Variants in GRM7 observed in about 807,000 individuals in gnomAD.
GRM7 encodes the protein metabotropic glutamate receptor 7.
A neutral mutation model predicts 84.5 loss-of-function variants in GRM7; 35 were observed. The observed-to-expected ratio is 0.41, with a 90% confidence interval of 0.32 to 0.55. The LOEUF is 0.55. Among genes scored for constraint, GRM7 ranks in the 20% least tolerant of loss-of-function variants. The pLI is 0.19. For missense variants in GRM7, 1,003 were observed against 1,194.6 expected (o/e 0.84, Z 2.36); for synonymous variants, 487 against 455.1 (o/e 1.07, Z -0.89).
chr3:7,740,225 T>C, intron 9 of GRM7, 132 bp from the exon 10 acceptor site: 2 of 592,568 alleles, frequency 3.4e-6, no homozygotes, highest in Admixed American at 3.8e-5. Flanking sequence ...AATCCAAAGT[T>C]GTCTGTGTGT....
chr3:7,629,965 A>T (rs1344053835), intron 8 of GRM7, among the ~76,000 whole-genome samples: 2 of 152,154 alleles, frequency 1.3e-5, no homozygotes, highest in Non-Finnish European at 2.9e-5. Flanking sequence ...TGTAACACAT[A>T]CCTCTTTGGC....
chr3:7,578,356 C>A (rs1695063334), intron 7 of GRM7, 66 bp from the exon 8 acceptor site: 1 of 1,043,616 alleles, frequency 9.6e-7, no homozygotes, highest in Non-Finnish European at 1.4e-6. Flanking sequence ...CTGTTTGCTG[C>A]TGGTGTTCTT....
chr3:7,204,482 C>T (rs1309761972), intron 2 of GRM7, among the ~76,000 whole-genome samples: 1 of 152,170 alleles, frequency 6.6e-6, no homozygotes, highest in Non-Finnish European at 1.5e-5. Flanking sequence ...CCTTGCATTC[C>T]TGAGTCCATT....
At chr3:6,994,779 T>G (rs1373639163) in intron 1 of GRM7, among the ~76,000 whole-genome samples, 1 of 152,226 alleles carries the variant, frequency 6.6e-6, no homozygotes, top group East Asian at 1.9e-4. Flanking sequence ...GACCATATAG[T>G]AGGTGCTTTA....
At chr3:7,722,295 A>C (rs1328592633) in intron 9 of GRM7, among the ~76,000 whole-genome samples, 2 of 152,230 alleles carry the variant, frequency 1.3e-5, no homozygotes, top group Admixed American at 6.5e-5. Flanking sequence ...TAGTTCGTTA[A>C]ATACAGTAAC....
intron 7 of GRM7, among the ~76,000 whole-genome samples, chr3:7,552,139 C>A (rs1009087374): frequency 2.6e-5 from 4 of 152,216 alleles, no homozygotes; most frequent in Non-Finnish European, 5.9e-5. Context: ...CTACAGGCCC[C>A]ATGTAAGTCT....
intron 4 of GRM7, among the ~76,000 whole-genome samples, chr3:7,359,351 T>C (rs1693561992): frequency 7.2e-6 from 1 of 139,642 alleles, no homozygotes; most frequent in East Asian, 2.0e-4. Context: ...TTTTTTTTTT[T>C]TTGAGACAGT....
chr3:7,417,615 T>G (rs1043269194), intron 5 of GRM7, among the ~76,000 whole-genome samples: 1 of 152,124 alleles, frequency 6.6e-6, no homozygotes, highest in Non-Finnish European at 1.5e-5. Context: ...ACTGAAGATC[T>G]GCGCTGTGAA....
intron 1 of GRM7, among the ~76,000 whole-genome samples, chr3:6,883,444 A>G (rs1574965915): frequency 6.6e-6 from 1 of 152,154 alleles, no homozygotes; most frequent in South Asian, 2.1e-4. Flanking sequence ...TTTATAATCA[A>G]TTTATTTCCT....
intron 1 of GRM7, among the ~76,000 whole-genome samples, chr3:6,963,801 TAC>T (rs762700542): frequency 3.9e-5 from 6 of 152,236 alleles, no homozygotes; most frequent in Non-Finnish European, 7.3e-5. Context: ...CAGAGATTTA[TAC>T]ACAAATATTA....
chr3:7,423,242 A>T (rs1696469986), intron 5 of GRM7, among the ~76,000 whole-genome samples: 1 of 152,198 alleles, frequency 6.6e-6, no homozygotes. Context: ...TGAAACACCA[A>T]CTTGAAATCC....
intron 4 of GRM7, among the ~76,000 whole-genome samples, chr3:7,372,679 G>T (rs1694188989): frequency 6.6e-6 from 1 of 152,048 alleles, no homozygotes; most frequent in Non-Finnish European, 1.5e-5. Flanking sequence ...CACCAAACAG[G>T]TATCAGATCG....
intron 4 of GRM7, among the ~76,000 whole-genome samples, chr3:7,346,916 T>C (rs1306644647): frequency 6.6e-6 from 1 of 152,106 alleles, no homozygotes; most frequent in Non-Finnish European, 1.5e-5. Flanking sequence ...TAATACCTAC[T>C]TTGGGACTTC....
intron 7 of GRM7, among the ~76,000 whole-genome samples, chr3:7,521,550 A>G (rs76686710): frequency 0.079 from 11,982 of 152,210 alleles, 605 homozygotes; most frequent in South Asian, 0.1. Flanking sequence ...TCTGCCAGCA[A>G]CTTGATTTTG....
intron 2 of GRM7, among the ~76,000 whole-genome samples, chr3:7,220,721 G>A (rs554773864): frequency 5.9e-5 from 9 of 152,304 alleles, no homozygotes; most frequent in African/African-American, 1.7e-4. Flanking sequence ...TAGTAGGGGA[G>A]ACTGGGTGGT....
At chr3:7,663,394 G>A (rs529889703) in intron 8 of GRM7, among the ~76,000 whole-genome samples, 263 of 152,282 alleles carry the variant, frequency 1.7e-3, no homozygotes, top group African/African-American at 5.2e-3. Flanking sequence ...ACGTAAGCAA[G>A]CTAAATCTCT....
intron 4 of GRM7, among the ~76,000 whole-genome samples, chr3:7,306,906 A>G (rs1275369385): frequency 1.3e-5 from 2 of 152,214 alleles, no homozygotes; most frequent in African/African-American, 4.8e-5. Flanking sequence ...CATTCATGCC[A>G]TAGGAACTTT....
chr3:7,153,188 T>C (rs1242177163), intron 2 of GRM7, among the ~76,000 whole-genome samples: 1 of 151,358 alleles, frequency 6.6e-6, no homozygotes, highest in Non-Finnish European at 1.5e-5. Flanking sequence ...CTCCTTTGTT[T>C]CTGCTTATTT....
chr3:7,372,049 C>A (rs1421578383), intron 4 of GRM7, among the ~76,000 whole-genome samples: 4 of 152,080 alleles, frequency 2.6e-5, no homozygotes, highest in African/African-American at 9.7e-5. Flanking sequence ...GAGAGAGGTC[C>A]AGTCAGACAT....
Sources: allele counts gnomAD v4.1 joint callset (sites outside exome capture counted in the v4.1 genomes callset), GRCh38; gene constraint gnomAD v4.1.1; transcripts MANE v1.5; gene names NCBI Gene and HGNC (gene_info 2026-07-23, HGNC 2026-07-21).